Variants in PLCL1 observed in about 807,000 individuals in gnomAD.
PLCL1 encodes the protein inactive phospholipase C-like protein 1.
A neutral mutation model predicts 84.4 loss-of-function variants in PLCL1; 41 were observed. The ratio of observed to expected loss-of-function variants is 0.49; its 90% CI spans 0.38 to 0.63. The LOEUF (loss-of-function observed/expected upper bound fraction) is 0.63. PLCL1 is among the 30% of genes least tolerant of loss of function. PLCL1 has a pLI of 0.00. For synonymous variants in PLCL1, 490 were observed against 488.3 expected (o/e 1.00, Z -0.05); for missense variants, 1,206 against 1,367.8 (o/e 0.88, Z 1.87).
At chr2:198,137,978 C>G (rs1189340784) in intron 5 of PLCL1, among the ~76,000 whole-genome samples, 1 of 151,998 alleles carries the variant, frequency 6.6e-6, no homozygotes, top group African/African-American at 2.4e-5. Flanking sequence ...GAGGATTCTC[C>G]TGGCATTTAG....
chr2:197,942,954 C>T (rs1689190292), intron 1 of PLCL1, among the ~76,000 whole-genome samples: 1 of 152,064 alleles, frequency 6.6e-6, no homozygotes, highest in African/African-American at 2.4e-5. Flanking sequence ...CACCTGCAAT[C>T]CCATTACTTT....
At chr2:197,838,329 C>T (rs1691231497) in intron 1 of PLCL1, among the ~76,000 whole-genome samples, 3 of 152,126 alleles carry the variant, frequency 2.0e-5, no homozygotes, top group African/African-American at 7.2e-5. Context: ...TTTAGCTTCT[C>T]CAAAGAAAAA....
chr2:197,831,924 T>A (rs757615981), intron 1 of PLCL1, among the ~76,000 whole-genome samples: 2 of 151,990 alleles, frequency 1.3e-5, no homozygotes, highest in African/African-American at 2.4e-5. Flanking sequence ...ATAACAAAAT[T>A]AAGGCAGAAA....
At chr2:198,005,396 G>A (rs1479272806) in intron 1 of PLCL1, among the ~76,000 whole-genome samples, 1 of 152,234 alleles carries the variant, frequency 6.6e-6, no homozygotes, top group Non-Finnish European at 1.5e-5. Flanking sequence ...GATGGCAAAG[G>A]AAAGTTCTCT....
chr2:197,966,525 G>T (rs1283260325), intron 1 of PLCL1, among the ~76,000 whole-genome samples: 2 of 152,120 alleles, frequency 1.3e-5, no homozygotes, highest in Admixed American at 6.5e-5. Flanking sequence ...GACAGGGCAA[G>T]ACTGAGTTTC....
At chr2:197,840,056 A>G (rs1284791469) in intron 1 of PLCL1, among the ~76,000 whole-genome samples, 1 of 152,240 alleles carries the variant, frequency 6.6e-6, no homozygotes, top group African/African-American at 2.4e-5. Context: ...GTATTATAGT[A>G]GGAAGTGCAA....
At chr2:198,037,804 A>G (rs1174654404) in intron 1 of PLCL1, among the ~76,000 whole-genome samples, 2 of 152,226 alleles carry the variant, frequency 1.3e-5, no homozygotes, top group Admixed American at 6.5e-5. Flanking sequence ...TGAAAAATAA[A>G]CTGAAAGTTT....
intron 1 of PLCL1, among the ~76,000 whole-genome samples, chr2:197,985,729 T>C (rs1446558460): frequency 6.6e-6 from 1 of 152,234 alleles, no homozygotes; most frequent in African/African-American, 2.4e-5. Flanking sequence ...TTGTGACCCA[T>C]AAAGCCTACA....
At chr2:197,989,914 CAG>C (rs1310593123) in intron 1 of PLCL1, among the ~76,000 whole-genome samples, 1 of 152,156 alleles carries the variant, frequency 6.6e-6, no homozygotes, top group Non-Finnish European at 1.5e-5. Flanking sequence ...TTAGGATACA[CAG>C]AGACTAATAT....
intron 5 of PLCL1, among the ~76,000 whole-genome samples, chr2:198,114,559 A>T (rs1354403587): frequency 6.6e-6 from 1 of 151,866 alleles, no homozygotes. Context: ...GGTGAGTTGT[A>T]GCTTAAGTGA....
chr2:198,109,650 G>A (rs548757197), intron 5 of PLCL1, among the ~76,000 whole-genome samples: 1 of 151,790 alleles, frequency 6.6e-6, no homozygotes, highest in Non-Finnish European at 1.5e-5. Context: ...AATGCTATTT[G>A]CAATGAAGTG....
At chr2:198,115,216 G>T (rs1332139876) in intron 5 of PLCL1, among the ~76,000 whole-genome samples, 3 of 151,836 alleles carry the variant, frequency 2.0e-5, no homozygotes, top group Admixed American at 1.3e-4. Flanking sequence ...AAGTTCCAGG[G>T]CCTAAGGGGA....
intron 1 of PLCL1, among the ~76,000 whole-genome samples, chr2:197,919,034 T>C (rs564084250): frequency 7.8e-4 from 118 of 152,062 alleles, no homozygotes; most frequent in African/African-American, 2.7e-3. Flanking sequence ...AAAATTATTA[T>C]AGTGTTAAAA....
chr2:198,045,928 T>C (rs973268048), intron 1 of PLCL1, among the ~76,000 whole-genome samples: 5 of 152,354 alleles, frequency 3.3e-5, no homozygotes, highest in African/African-American at 1.2e-4. Flanking sequence ...CTTCATTGCA[T>C]ATATCCTACC....
At chr2:198,020,574 A>C (rs983297513) in intron 1 of PLCL1, among the ~76,000 whole-genome samples, 4 of 150,622 alleles carry the variant, frequency 2.7e-5, no homozygotes, top group Admixed American at 6.6e-5. Context: ...AAAAAAAAAG[A>C]AAAAAAAAGC....
intron 1 of PLCL1, among the ~76,000 whole-genome samples, chr2:197,898,116 T>C (rs1049525484): frequency 1.3e-5 from 2 of 152,222 alleles, no homozygotes; most frequent in Non-Finnish European, 2.9e-5. Flanking sequence ...CTTCTGGCAT[T>C]TGTTCCCTTG....
At chr2:198,098,366 G>A (rs1334871117) in intron 3 of PLCL1, among the ~76,000 whole-genome samples, 3 of 152,174 alleles carry the variant, frequency 2.0e-5, no homozygotes, top group Non-Finnish European at 4.4e-5. Context: ...ATTAGACTTG[G>A]AGGGAAAAGC....
intron 1 of PLCL1, among the ~76,000 whole-genome samples, chr2:197,972,480 G>A (rs1689890452): frequency 6.6e-6 from 1 of 152,100 alleles, no homozygotes; most frequent in Non-Finnish European, 1.5e-5. Context: ...AAACATCCTC[G>A]TAATGTTAAT....
At chr2:198,111,436 G>C (rs1177770401) in intron 5 of PLCL1, among the ~76,000 whole-genome samples, 1 of 151,878 alleles carries the variant, frequency 6.6e-6, no homozygotes, top group East Asian at 1.9e-4. Context: ...TCAGGGAAGA[G>C]GAGCAGATAT....
Sources: allele counts gnomAD v4.1 joint callset (sites outside exome capture counted in the v4.1 genomes callset), GRCh38; gene constraint gnomAD v4.1.1; transcripts MANE v1.5; gene names NCBI Gene and HGNC (gene_info 2026-07-23, HGNC 2026-07-21).